MAN2B2: variants seen among roughly 807,000 people sequenced by gnomAD.
MAN2B2 encodes the protein mannosidase alpha class 2B member 2.
Under a neutral mutation model 117.1 loss-of-function variants are expected in MAN2B2, and 106 were observed. That is an observed-to-expected ratio of 0.90 (90% confidence interval 0.77 to 1.06). The LOEUF is 1.06. Among genes scored for constraint, MAN2B2 ranks in the 50% least tolerant of loss-of-function variants. The probability of loss-of-function intolerance (pLI) is 0.00; values close to 1 mark genes in which losing one functional copy is unlikely to be tolerated. For synonymous variants in MAN2B2, 544 were observed against 595.1 expected (o/e 0.91, Z 1.25); for missense variants, 1,326 against 1,381.4 (o/e 0.96, Z 0.64).
rs372728164 is a variant in MAN2B2, at chr4:6,597,198, C to T, written c.1143C>T (p.Ala381=). 2.0e-5 allele frequency: 32 copies of T among 1,612,094 alleles called. No homozygotes were observed. Among genetic ancestry groups the T allele is most frequent in the South Asian group, 5.5e-5 (5 of 90,938 alleles). The part of the protein sequence containing the change: ...LARRASALLY[A]GESMFTRYLW... Reference sequence around the variant, plus strand: ...GGCGAGCCAGCGCCTTGTTGTATGCCGGGGAGTCCATGTTCACACGCTACC... The same window carrying T: ...GGCGAGCCAGCGCCTTGTTGTATGCTGGGGAGTCCATGTTCACACGCTACC... The change falls in exon 8 of 19, where the codon GCC becomes GCT. Residue 381 remains alanine, a synonymous_variant. Coordinates refer to ENST00000285599, the MANE Select transcript of MAN2B2 (RefSeq NM_015274.3).
intron 11 of MAN2B2, among the ~76,000 whole-genome samples, chr4:6,606,253 CCA>C (rs1163084321): frequency 1.3e-5 from 2 of 152,332 alleles, no homozygotes; most frequent in East Asian, 3.9e-4. Flanking sequence ...AGCTCCCTGC[CCA>C]CAGAGCTCCA....
At chr4:6,593,682 C>G (rs1726952005) in intron 6 of MAN2B2, among the ~76,000 whole-genome samples, 1 of 152,256 alleles carries the variant, frequency 6.6e-6, no homozygotes, top group Non-Finnish European at 1.5e-5. Context: ...GGGATGGTGG[C>G]AGCAGGCTTC....
At chr4:6,603,413 G>A (rs373298777) in intron 10 of MAN2B2, among the ~76,000 whole-genome samples, 64 of 152,324 alleles carry the variant, frequency 4.2e-4, no homozygotes, top group African/African-American at 1.3e-3. Flanking sequence ...CATGGATGGT[G>A]ACAGTGTGGA....
rs764591691 is a variant in MAN2B2, at chr4:6,597,287, G to A, written c.1232G>A (p.Arg411His). Residue 411 changes from arginine (R) to histidine (H), a missense_variant, in exon 8 of 19, where the codon CGC becomes CAC. By Grantham distance (29) the Arg-to-His change is conservative. Transcript: ENST00000285599. Reference sequence around the variant, plus strand: ...GCCCTGCAGCAGCTCCAGCAGCTTCGCTGGGCCGTCTCCGAGGTAACACCA... The same window carrying A: ...GCCCTGCAGCAGCTCCAGCAGCTTCACTGGGCCGTCTCCGAGGTAACACCA... ...TWALQQLQQLRWAVSEVQHHD... is the reference protein window; with the variant it reads ...TWALQQLQQLHWAVSEVQHHD... The A allele has an allele frequency of 1.6e-5, 25 of 1,555,716 alleles. No homozygotes were observed. The highest frequency in any genetic ancestry group is 1.7e-4 in the Middle Eastern group (1 of 5,764).
chr4:6,598,428 A>G, intron 9 of MAN2B2, 74 bp downstream of exon 9: 3 of 1,484,962 alleles, frequency 2.0e-6, no homozygotes, highest in South Asian at 1.2e-5. Context: ...GGAGGGGCTC[A>G]ACGACCCCAG....
At chr4:6,576,113 G>A (rs895304893) in intron 1 of MAN2B2, among the ~76,000 whole-genome samples, 1 of 152,122 alleles carries the variant, frequency 6.6e-6, no homozygotes, top group Admixed American at 6.5e-5. Context: ...ACGCCTAGAC[G>A]CCAGGGACAG....
At position 6,599,629 on chromosome 4, in the gene MAN2B2, C is replaced by G. The variant is rs372268900; in HGVS notation, c.1406-994C>G. On this transcript the variant is annotated intron_variant, in intron 9 of 18. Transcript: ENST00000285599. The stretch of plus-strand genomic sequence containing the variant: ...AGTGAGCCGAGATCGCACCACTGCA[C>G]TCCAGCCTGGGCGACAGAGCGAGAC... 3.4e-5 allele frequency among the ~76,000 whole-genome samples: 5 copies of G among 149,212 alleles called. No homozygotes were observed. The East Asian group carries it at 6.0e-4, about 18-fold the overall frequency.
chr4:6,597,295 G>A lies in MAN2B2; in HGVS notation c.1240G>A (p.Val414Ile), dbSNP rs151234361. The change falls in exon 8 of 19, where the codon GTC (valine) becomes ATC (isoleucine). Residue 414 changes from valine (V) to isoleucine (I), a missense_variant. By Grantham distance (29) the Val-to-Ile change is conservative. Transcript: ENST00000285599. ...GCAGCTCCAGCAGCTTCGCTGGGCC[G>A]TCTCCGAGGTAACACCACATTTAGC... ...LQQLQQLRWA[V>I]SEVQHHDAIT... The A allele has an allele frequency of 1.7e-4, 266 of 1,542,286 alleles. 1 individual carries two copies. Among genetic ancestry groups the A allele is most frequent in the South Asian group, 9.6e-4 (78 of 81,664 alleles).
rs1347329181 is a variant in MAN2B2, at chr4:6,614,301, C to A, written c.2647C>A (p.Pro883Thr). ...PNLHLQILSI[P>T]GWRYSSNHTE... ...TCTTCACCTGCAGATCCTGAGCATC[C>A]CTGGCTGGCGCTACAGCTCCAACCA... Residue 883 changes from proline to threonine, a missense_variant, in exon 16 of 19, where the codon CCT becomes ACT. Pro to Thr is a conservative substitution (Grantham distance 38). Transcript: ENST00000285599. 1 of 1,614,020 alleles carries A rather than the reference C, an allele frequency of 6.2e-7. No homozygotes were observed. The highest frequency in any genetic ancestry group is 2.2e-5 in the East Asian group (1 of 44,896).
rs116021792 is a variant in MAN2B2, at chr4:6,577,378, A to C, written c.285+654A>C. 7.6e-3 allele frequency among the ~76,000 whole-genome samples: 1,156 copies of C among 152,302 alleles called. 17 individuals are homozygous for C. Among genetic ancestry groups the C allele is most frequent in the African/African-American group, 0.026 (1,084 of 41,572 alleles). On this transcript the variant is annotated intron_variant, in intron 2 of 18. Coordinates refer to ENST00000285599, the MANE Select transcript of MAN2B2 (RefSeq NM_015274.3). The stretch of plus-strand genomic sequence containing the variant: ...ACTCGGGGGTTCTTAGTTTCCTCCC[A>C]GGTATCCACCTGCCTTCAGAATAGT...
At chr4:6,613,690 A>T in intron 15 of MAN2B2, among the ~76,000 whole-genome samples, 1 of 123,954 alleles carries the variant, frequency 8.1e-6, no homozygotes, top group Non-Finnish European at 1.7e-5. Flanking sequence ...GGAAGGAGGG[A>T]AGGAAGGAAG....
intron 5 of MAN2B2, among the ~76,000 whole-genome samples, chr4:6,590,108 A>C (rs900434276): frequency 1.3e-5 from 2 of 151,822 alleles, no homozygotes; most frequent in African/African-American, 4.8e-5. Context: ...ACAGTAGCTC[A>C]TGCCTGTAAT....
intron 16 of MAN2B2, 99 bp downstream of exon 16, chr4:6,614,454 C>G: frequency 1.4e-6 from 2 of 1,388,820 alleles, no homozygotes; most frequent in Non-Finnish European, 2.0e-6. Context: ...TTAGAGCTAT[C>G]ATGGCTCTGC....
chr4:6,606,665 C>A (rs908567035), intron 11 of MAN2B2, among the ~76,000 whole-genome samples: 3 of 152,338 alleles, frequency 2.0e-5, no homozygotes, highest in South Asian at 4.1e-4. Flanking sequence ...TCTTATTGGG[C>A]TCCCAAAACC....
intron 9 of MAN2B2, 96 bp downstream of exon 9, chr4:6,598,450 G>C (rs1727197010): frequency 2.3e-6 from 3 of 1,327,764 alleles, no homozygotes; most frequent in Non-Finnish European, 3.1e-6. Flanking sequence ...TTCAGACTCT[G>C]AGTCCACATC....
At chr4:6,576,947 T>C (rs552774638) in intron 2 of MAN2B2, among the ~76,000 whole-genome samples, 1 of 152,270 alleles carries the variant, frequency 6.6e-6, no homozygotes, top group South Asian at 2.1e-4. Context: ...CTGTCTATTC[T>C]TGAAAAAACT....
chr4:6,601,919 G>A (rs1486759942), intron 10 of MAN2B2, among the ~76,000 whole-genome samples: 1 of 152,208 alleles, frequency 6.6e-6, no homozygotes, highest in Non-Finnish European at 1.5e-5. Context: ...GTCTGCCCTT[G>A]TAGGAAGACA....
intron 5 of MAN2B2, among the ~76,000 whole-genome samples, chr4:6,592,222 G>A (rs761184583): frequency 6.6e-6 from 1 of 152,238 alleles, no homozygotes; most frequent in Non-Finnish European, 1.5e-5. Context: ...ACTGCCATTT[G>A]TCAGCCCTCC....
Position 6,579,456 on chromosome 4 carries a change from C to CCACCA in MAN2B2, c.391+959_391+960insACCAC, listed in dbSNP as rs1386705793. On this transcript the variant is annotated intron_variant, in intron 3 of 18. Coordinates refer to ENST00000285599, the MANE Select transcript of MAN2B2 (RefSeq NM_015274.3). The stretch of plus-strand genomic sequence containing the variant: ...CCACCACCCTTCACCATCACCACCA[C>CCACCA]CCTTCACCACCACAATGACCATCAC... Among the ~76,000 whole-genome samples, 37 of 145,328 alleles carry CCACCA rather than the reference C, an allele frequency of 2.5e-4. No individual in the cohort carries two copies. The East Asian group carries it at 7.2e-3, about 28-fold the overall frequency.
Sources: allele counts gnomAD v4.1 joint callset (sites outside exome capture counted in the v4.1 genomes callset), GRCh38; gene constraint gnomAD v4.1.1; transcripts MANE v1.5; gene names NCBI Gene and HGNC (gene_info 2026-07-23, HGNC 2026-07-21).